PRKCZ: variants seen among roughly 807,000 people sequenced by gnomAD.
The protein encoded by PRKCZ is protein kinase C zeta.
Under a neutral mutation model 79.5 loss-of-function variants are expected in PRKCZ, and 33 were observed. That is an observed-to-expected ratio of 0.41 (90% CI 0.31 to 0.55). The LOEUF (loss-of-function observed/expected upper bound fraction) is 0.55, where lower values mean the gene tolerates loss of function less well. Among genes scored for constraint, PRKCZ ranks in the 20% least tolerant of loss-of-function variants. PRKCZ has a pLI of 0.19. For missense variants in PRKCZ, 578 were observed against 813.5 expected, an observed-to-expected ratio of 0.71 and a Z score of 3.52; for synonymous variants, 342 against 320.9, an observed-to-expected ratio of 1.07 and a Z score of -0.70.
In PRKCZ at chr1:2,050,478, C is replaced by A; in HGVS notation, c.-153C>A. ...GCGCGCCCCCCGCTCCCGCCCCGCG[C>A]GCCGCCGGAGTTCCGCGGAGTTGAC... On this transcript the variant is annotated 5_prime_UTR_variant, in exon 1 of 18. Transcript: ENST00000378567. 3.3e-6 allele frequency: 1 copy of A among 304,590 alleles called. No individual in the cohort carries two copies. The highest frequency in any genetic ancestry group is 5.5e-6 in the Non-Finnish European group (1 of 181,632). The allele number at this position is 304,590 out of a possible 1,614,324, so 18.9% of individuals were successfully genotyped here. A position where few individuals can be genotyped will look rare whatever the true frequency, so the allele number is the denominator to read the frequency against.
At chr1:2,080,171 T>A (rs1663216590) in intron 4 of PRKCZ, among the ~76,000 whole-genome samples, 1 of 152,130 alleles carries the variant, frequency 6.6e-6, no homozygotes, top group African/African-American at 2.4e-5. Flanking sequence ...TGTTACGGGT[T>A]TTTTGGAGTT....
At chr1:2,086,111 G>A (rs566456296) in intron 4 of PRKCZ, among the ~76,000 whole-genome samples, 4 of 149,278 alleles carry the variant, frequency 2.7e-5, no homozygotes, top group African/African-American at 1.0e-4. Context: ...GCCCAGGCTG[G>A]AATGCAGTGG....
At chr1:2,154,787 CTGTTGGATCTT>C (rs2103270195) in intron 9 of PRKCZ, among the ~76,000 whole-genome samples, 1 of 152,346 alleles carries the variant, frequency 6.6e-6, no homozygotes, top group South Asian at 2.1e-4. Flanking sequence ...TGAGACCAAG[CTGTTGGATCTT>C]TGTCACTCTA....
chr1:2,112,673 T>TG (rs1379694712), intron 4 of PRKCZ, among the ~76,000 whole-genome samples: 2 of 69,790 alleles, frequency 2.9e-5, no homozygotes, highest in East Asian at 8.0e-4. Flanking sequence ...TTTTTTTGTT[T>TG]GTTTGGTTGG....
In PRKCZ at chr1:2,165,255, G is replaced by C. The variant is rs1186503042; in HGVS notation, c.975-4263G>C. Among the ~76,000 whole-genome samples the C allele has an allele frequency of 6.6e-6, 1 of 152,188 alleles. No homozygotes were observed. The highest frequency in any genetic ancestry group is 1.5e-5 in the Non-Finnish European group (1 of 68,042). On this transcript the variant is annotated intron_variant, in intron 10 of 17. Transcript: ENST00000378567. This position sits in a 1 kb window ranked among gnomAD's most constrained non-coding sequence, Gnocchi z 4.1. ...TCCGAGTCAGGAATCTGATTTTCCA[G>C]CGTGCCCTGTAATGACGGTGCTGTC...
chr1:2,124,773 G>A (rs529176909), intron 4 of PRKCZ, among the ~76,000 whole-genome samples: 1 of 152,108 alleles, frequency 6.6e-6, no homozygotes, highest in African/African-American at 2.4e-5. Context: ...ACCTCCGAAG[G>A]GTCAGCAGAC....
chr1:2,073,843 G>A (rs1661882512), intron 4 of PRKCZ: 3 of 1,050,304 alleles, frequency 2.9e-6, no homozygotes, highest in South Asian at 3.5e-5. Flanking sequence ...GCATCAGCTC[G>A]TCAACGGGAA....
intron 2 of PRKCZ, 174 bp downstream of exon 2, chr1:2,055,736 G>A (rs1391789125): frequency 2.0e-6 from 2 of 982,050 alleles, no homozygotes; most frequent in African/African-American, 3.3e-5. Flanking sequence ...GTTGGCCACA[G>A]ATGCTTATCA....
chr1:2,139,459 G>C (rs573692369), intron 5 of PRKCZ, among the ~76,000 whole-genome samples: 1 of 152,076 alleles, frequency 6.6e-6, no homozygotes, highest in Non-Finnish European at 1.5e-5. Flanking sequence ...GCGTGGTGGT[G>C]GGTTCCTCTA....
intron 4 of PRKCZ, among the ~76,000 whole-genome samples, chr1:2,079,038 T>C (rs1662969620): frequency 6.6e-6 from 1 of 152,164 alleles, no homozygotes; most frequent in Non-Finnish European, 1.5e-5. Context: ...GAGACGGGGT[T>C]TCACCGTGTT....
chr1:2,132,881 A>G (rs978611619), intron 4 of PRKCZ, among the ~76,000 whole-genome samples: 2 of 152,142 alleles, frequency 1.3e-5, no homozygotes, highest in African/African-American at 4.8e-5. Context: ...AGGGTGACTT[A>G]CACACGACAG....
At chr1:2,074,185 G>A in intron 4 of PRKCZ, 1 of 1,550,124 alleles carries the variant, frequency 6.5e-7, no homozygotes. Context: ...TGTTTTGCGG[G>A]TGACAGATTT....
chr1:2,097,787 G>A (rs374377486), intron 4 of PRKCZ, among the ~76,000 whole-genome samples: 10 of 152,306 alleles, frequency 6.6e-5, no homozygotes, highest in East Asian at 5.8e-4. Context: ...AATAGCACTC[G>A]AACATAAATT....
rs1023482266 is a variant in PRKCZ at position 2,125,549 on chromosome 1, A to T, written c.335-9713A>T. On this transcript the variant is annotated intron_variant, in intron 4 of 17. Transcript: ENST00000378567. The surrounding 1 kb of genome is among the most constrained non-coding windows in gnomAD (Gnocchi z 4.2). The stretch of plus-strand genomic sequence containing the variant: ...CCCACCCCTGCTCCCCTGAGGAGGG[A>T]GGCGTGGGGCCCTGGGCTGGCTGCA... 4.6e-5 allele frequency among the ~76,000 whole-genome samples: 7 copies of T among 152,000 alleles called. No individual in the cohort carries two copies. The highest frequency in any genetic ancestry group is 2.0e-4 in the Admixed American group (3 of 15,276).
At chr1:2,152,254 C>T (rs568279492) in intron 9 of PRKCZ, among the ~76,000 whole-genome samples, 63 of 152,202 alleles carry the variant, frequency 4.1e-4, no homozygotes, top group African/African-American at 1.5e-3. Flanking sequence ...CAGTTAGGGC[C>T]GGGCGCGGTG....
rs139735062 is a variant in PRKCZ at position 2,171,958 on chromosome 1, G to A, written c.1062-97G>A. On this transcript the variant is annotated intron_variant, in intron 11 of 17. Coordinates refer to ENST00000378567, the MANE Select transcript of PRKCZ (RefSeq NM_002744.6). ...TGGTCATTGAGAGGATGCCGGGCCCGTGGTGGGGCAAACGGGAGTGTGTGG... is the reference window on the plus strand; with the variant it reads ...TGGTCATTGAGAGGATGCCGGGCCCATGGTGGGGCAAACGGGAGTGTGTGG... 2,816 of 1,431,522 alleles carry A rather than the reference G, an allele frequency of 2.0e-3. 7 individuals are homozygous for A. The highest frequency in any genetic ancestry group is 2.2e-3 in the Non-Finnish European group (2,392 of 1,073,960). The allele number at this position is 1,431,522 out of a possible 1,614,324, so 88.7% of individuals were successfully genotyped here. A position where few individuals can be genotyped will look rare whatever the true frequency, so the allele number is the denominator to read the frequency against.
At chr1:2,097,323 C>T (rs1401252088) in intron 4 of PRKCZ, among the ~76,000 whole-genome samples, 3 of 152,144 alleles carry the variant, frequency 2.0e-5, no homozygotes, top group Admixed American at 1.3e-4. Context: ...GTTCAGGGGC[C>T]CAGGTACCTT....
At chr1:2,180,694 C>T (rs910321851) in intron 16 of PRKCZ, among the ~76,000 whole-genome samples, 5 of 152,288 alleles carry the variant, frequency 3.3e-5, no homozygotes, top group South Asian at 4.1e-4. Context: ...ATGACTCAAA[C>T]GCACAGATGA....
intron 6 of PRKCZ, chr1:2,144,576 C>T: frequency 7.2e-7 from 1 of 1,380,002 alleles, no homozygotes; most frequent in Non-Finnish European, 9.4e-7. Flanking sequence ...GCTCAGGCAG[C>T]AGGCTCAGGT....
Sources: allele counts gnomAD v4.1 joint callset (sites outside exome capture counted in the v4.1 genomes callset), GRCh38; gene constraint gnomAD v4.1.1; non-coding constraint Gnocchi (gnomAD v3.1); transcripts MANE v1.5; gene names NCBI Gene and HGNC (gene_info 2026-07-23, HGNC 2026-07-21).